Variants in ACTMAP observed in about 807,000 individuals in gnomAD.
ACTMAP encodes actin maturation protease, also known as UPF0692 protein C19orf54.
chr19:40,745,778 G>T, the ACTMAP span, among the ~76,000 whole-genome samples: 9 of 151,988 alleles, frequency 5.9e-5, no homozygotes, highest in Non-Finnish European at 1.2e-4. Flanking sequence ...GTTCAAGTGG[G>T]TCTCCTGCCT....
At chr19:40,744,118 T>A in the ACTMAP span, 4 of 1,613,334 alleles carry the variant, frequency 2.5e-6, no homozygotes, top group South Asian at 4.4e-5. Context: ...GAGGTCTCTG[T>A]TGGGACCGCC....
At chr19:40,745,199 C>G in the ACTMAP span, 1 of 1,551,792 alleles carries the variant, frequency 6.4e-7, no homozygotes, top group East Asian at 2.4e-5. Flanking sequence ...ACCTCGGAAC[C>G]TGAAGCAGAG....
At chr19:40,750,404 A>T in the ACTMAP span, 1 of 152,190 alleles carries the variant, frequency 6.6e-6, no homozygotes, top group Non-Finnish European at 1.5e-5. Flanking sequence ...AGACTCAGAG[A>T]TCAGAGGCCG....
chr19:40,742,184 C>A, the ACTMAP span: 3 of 666,744 alleles, frequency 4.5e-6, no homozygotes, highest in Non-Finnish European at 8.3e-6. Context: ...ATGACAGAGG[C>A]GGCCCCTAGT....
At chr19:40,745,182 G>C in the ACTMAP span, 1 of 1,551,804 alleles carries the variant, frequency 6.4e-7, no homozygotes, top group Non-Finnish European at 8.7e-7. Flanking sequence ...AGGATCCACC[G>C]CAGGTCACCT....
At chr19:40,748,888 C>T in the ACTMAP span, among the ~76,000 whole-genome samples, 1 of 152,164 alleles carries the variant, frequency 6.6e-6, no homozygotes, top group African/African-American at 2.4e-5. Context: ...GTCAGACACC[C>T]CTCTGGGCTT....
the ACTMAP span, among the ~76,000 whole-genome samples, chr19:40,747,010 T>C: frequency 6.6e-6 from 1 of 151,996 alleles, no homozygotes; most frequent in South Asian, 2.1e-4. Context: ...TTTTGCCATG[T>C]TGGCCAGGCT....
the ACTMAP span, chr19:40,743,876 G>C: frequency 6.2e-7 from 1 of 1,610,886 alleles, no homozygotes; most frequent in Middle Eastern, 1.7e-4. Flanking sequence ...CCCAGGTTGA[G>C]GGGTGCAGAC....
chr19:40,746,868 G>A, the ACTMAP span, among the ~76,000 whole-genome samples: 1 of 150,948 alleles, frequency 6.6e-6, no homozygotes, highest in Admixed American at 6.6e-5. Flanking sequence ...GTACAGTGGT[G>A]CGATCTTGGC....
At chr19:40,748,261 C>G in the ACTMAP span, among the ~76,000 whole-genome samples, 2 of 151,734 alleles carry the variant, frequency 1.3e-5, no homozygotes, top group Non-Finnish European at 2.9e-5. Context: ...GTTGGGAGTT[C>G]GAGACCAGCC....
chr19:40,746,561 G>C, the ACTMAP span, among the ~76,000 whole-genome samples: 1 of 152,104 alleles, frequency 6.6e-6, no homozygotes, highest in Non-Finnish European at 1.5e-5. Context: ...ATTTTTAGTA[G>C]CAACAGGGTT....
the ACTMAP span, chr19:40,742,894 G>C: frequency 3.2e-6 from 3 of 940,490 alleles, no homozygotes; most frequent in Non-Finnish European, 4.7e-6. Flanking sequence ...AGGTTACGGT[G>C]ACGTTAGTGG....
the ACTMAP span, chr19:40,742,892 G>T: frequency 1.0e-6 from 1 of 957,022 alleles, no homozygotes. Context: ...CTAGGTTACG[G>T]TGACGTTAGT....
At chr19:40,748,984 CT>C in the ACTMAP span, among the ~76,000 whole-genome samples, 2,187 of 102,604 alleles carry the variant, frequency 0.021, 39 homozygotes, top group African/African-American at 0.08. Flanking sequence ...GGCATTTGCT[CT>C]TTTTTTTTTT....
At chr19:40,750,321 T>C in the ACTMAP span, 1 of 152,184 alleles carries the variant, frequency 6.6e-6, no homozygotes, top group East Asian at 1.9e-4. Flanking sequence ...AAAGGACACC[T>C]GGCAGGGAAA....
the ACTMAP span, chr19:40,742,753 G>T: frequency 6.2e-7 from 1 of 1,608,604 alleles, no homozygotes; most frequent in Non-Finnish European, 8.5e-7. Flanking sequence ...GGCACAGCCC[G>T]AACACCCAGC....
chr19:40,742,891 G>A, the ACTMAP span: 649 of 975,052 alleles, frequency 6.7e-4, 13 homozygotes, highest in East Asian at 0.016. Flanking sequence ...CCTAGGTTAC[G>A]GTGACGTTAG....
chr19:40,747,582 C>T, the ACTMAP span, among the ~76,000 whole-genome samples: 239 of 152,074 alleles, frequency 1.6e-3, 1 homozygote, highest in African/African-American at 5.5e-3. Context: ...AGGCTGGGTG[C>T]GGTGGCTAAC....
At chr19:40,744,063 A>G in the ACTMAP span, 2 of 1,613,828 alleles carry the variant, frequency 1.2e-6, no homozygotes, top group South Asian at 2.2e-5. Context: ...AGGCCCTGGG[A>G]TACGGGATGA....
Sources: gnomAD v4.1 joint callset for allele counts (sites outside exome capture counted in the v4.1 genomes callset) on GRCh38, gnomAD v4.1.1 for gene constraint, MANE v1.5 for transcripts, NCBI Gene and HGNC (gene_info 2026-07-23, HGNC 2026-07-21) for gene names.